Variants in LTBP2 observed in about 807,000 individuals in gnomAD.
LTBP2 encodes latent-transforming growth factor beta-binding protein 2.
LTBP2 carries 103 observed loss-of-function variants against 210.6 expected under a neutral mutation model. That is an observed-to-expected ratio of 0.49 (90% CI 0.42 to 0.58). The LOEUF (loss-of-function observed/expected upper bound fraction) is 0.58. LTBP2 is among the 20% of genes least tolerant of loss of function. LTBP2 has a pLI of 0.00. For missense variants in LTBP2, 2,313 were observed against 2,494.5 expected (o/e 0.93, Z 1.55); for synonymous variants, 1,007 against 1,015.0 (o/e 0.99, Z 0.15).
chr14:74,511,069 A>G (rs777336479), intron 19 of LTBP2, among the ~76,000 whole-genome samples, 176 bp downstream of exon 19: 6 of 152,366 alleles, frequency 3.9e-5, no homozygotes, highest in Non-Finnish European at 8.8e-5. Flanking sequence ...GCTGATTCAG[A>G]GGGCAGAGCC....
chr14:74,580,581 C>T lies in LTBP2; in HGVS notation c.830+5273G>A, dbSNP rs560586059. Among the ~76,000 whole-genome samples, 6 of 152,300 alleles carry T rather than the reference C, an allele frequency of 3.9e-5. No homozygotes were observed. In the East Asian group the frequency reaches 1.2e-3, roughly 29 times the overall value. ...GTCTCAGAGGGAACCAATCCTGCCACCTTTATTTTTGGACTTCCAGCTCCT... is the reference window on the plus strand; with the variant it reads ...GTCTCAGAGGGAACCAATCCTGCCATCTTTATTTTTGGACTTCCAGCTCCT... On this transcript the variant is annotated intron_variant, in intron 3 of 35. Coordinates refer to ENST00000261978, the MANE Select transcript of LTBP2 (RefSeq NM_000428.3).
chr14:74,525,261 C>A (rs747843579), intron 14 of LTBP2, 36 bp from the exon 15 acceptor site: 7 of 1,220,106 alleles, frequency 5.7e-6, no homozygotes, highest in Non-Finnish European at 7.5e-6. Flanking sequence ...GGGGTTGTGG[C>A]CCCTTGGCTG....
At chr14:74,540,830 A>ATATAATATATATATATTTTTATATAAT in intron 8 of LTBP2, among the ~76,000 whole-genome samples, 1 of 68,634 alleles carries the variant, frequency 1.5e-5, no homozygotes, top group African/African-American at 5.1e-5. Flanking sequence ...ATTTTTATAT[A>ATATAATATATATATATTTTTATATAAT]ATATATATTT....
At chr14:74,509,063 CG>C (rs2087033017) in intron 22 of LTBP2, 111 bp from the exon 23 acceptor site, 5 of 1,573,906 alleles carry the variant, frequency 3.2e-6, no homozygotes. Flanking sequence ...GCTGGACCCA[CG>C]GGGGATCATC....
At chr14:74,535,076 A>G (rs2087401922) in intron 9 of LTBP2, among the ~76,000 whole-genome samples, 1 of 151,944 alleles carries the variant, frequency 6.6e-6, no homozygotes, top group Non-Finnish European at 1.5e-5. Flanking sequence ...CCCTCAAACC[A>G]CTGGCTCCTG....
In LTBP2 at chr14:74,552,981, T is replaced by C. The variant is rs1407030489; in HGVS notation, c.1103A>G (p.His368Arg). Residue 368 changes from histidine to arginine, a missense_variant, in exon 5 of 36, where the codon CAC (histidine) becomes CGC (arginine). This residue lies in a region of LTBP2 where 1,867 missense variants were observed against 1,976.9 expected (regional missense o/e 0.94). Transcript: ENST00000261978. ...TICKQTCARGHCANSCERGDT... is the reference protein window; with the variant it reads ...TICKQTCARGRCANSCERGDT... ...GCCCCTCTCACAGCTGTTGGCACAG[T>C]GTCCACGGGCACAGGTCTGCTTGCA... 6.2e-7 allele frequency: 1 copy of C among 1,614,134 alleles called. No homozygotes were observed. The highest frequency in any genetic ancestry group is 8.5e-7 in the Non-Finnish European group (1 of 1,180,002).
At chr14:74,529,596 C>T (rs775493556) in intron 10 of LTBP2, among the ~76,000 whole-genome samples, 2 of 152,110 alleles carry the variant, frequency 1.3e-5, no homozygotes, top group Non-Finnish European at 2.9e-5. Context: ...CAGGCACCTC[C>T]CATAGTGCCT....
intron 8 of LTBP2, among the ~76,000 whole-genome samples, chr14:74,545,249 C>T (rs1482444549): frequency 1.3e-5 from 2 of 152,172 alleles, no homozygotes; most frequent in Admixed American, 6.5e-5. Flanking sequence ...CTTGGACAAG[C>T]TCCTCAGCCT....
At chr14:74,610,844 C>CCT (rs1462447730) in intron 1 of LTBP2, among the ~76,000 whole-genome samples, 1 of 152,252 alleles carries the variant, frequency 6.6e-6, no homozygotes, top group East Asian at 1.9e-4. Flanking sequence ...TGTGTCGCAG[C>CCT]CTCATCAGGA....
At position 74,522,857 on chromosome 14, in the gene LTBP2, G is replaced by A. The variant is rs141836936; in HGVS notation, c.2592C>T (p.Leu864=). 20 of 1,612,968 alleles carry A rather than the reference G, an allele frequency of 1.2e-5. No homozygotes were observed. The East Asian group carries it at 4.2e-4, about 34-fold the overall frequency. Residue 864 remains leucine, a synonymous_variant, in exon 16 of 36, where the codon CTC becomes CTT. Coordinates refer to ENST00000261978, the MANE Select transcript of LTBP2 (RefSeq NM_000428.3). ...NVCGPGTCVN[L]PDGYRCVCSP... The stretch of plus-strand genomic sequence containing the variant: ...TGCAGACACATCTGTATCCATCGGG[G>A]AGGTTCACGCAGGTTCCAGGGCCAC...
intron 2 of LTBP2, among the ~76,000 whole-genome samples, chr14:74,589,743 C>A (rs2088255152): frequency 6.6e-6 from 1 of 152,188 alleles, no homozygotes; most frequent in Non-Finnish European, 1.5e-5. Flanking sequence ...TGCTAGTGAA[C>A]ATGGAGGAAG....
At chr14:74,600,424 T>A (rs1205209850) in intron 2 of LTBP2, among the ~76,000 whole-genome samples, 1 of 152,092 alleles carries the variant, frequency 6.6e-6, no homozygotes, top group Non-Finnish European at 1.5e-5. Context: ...CTCAGCATCC[T>A]GGCGCAGCAC....
chr14:74,542,243 G>A (rs913093697), intron 8 of LTBP2, among the ~76,000 whole-genome samples: 4 of 152,208 alleles, frequency 2.6e-5, no homozygotes, highest in African/African-American at 4.8e-5. Flanking sequence ...ACCCTCTGCC[G>A]TGCCTCGGTT....
At chr14:74,601,701 A>C (rs1294015357) in intron 2 of LTBP2, among the ~76,000 whole-genome samples, 1 of 152,210 alleles carries the variant, frequency 6.6e-6, no homozygotes, top group Non-Finnish European at 1.5e-5. Context: ...ACTCGCGGGA[A>C]TGGGAGCAAT....
Position 74,499,797 on chromosome 14 carries a change from C to T in LTBP2, c.*1087G>A. 1 of 229,472 alleles carries T rather than the reference C, an allele frequency of 4.4e-6. No individual in the cohort carries two copies. The highest frequency in any genetic ancestry group is 8.6e-6 in the Non-Finnish European group (1 of 115,752). The allele number at this position is 229,472 out of a possible 1,614,324, so 14.2% of individuals were successfully genotyped here. On this transcript the variant is annotated 3_prime_UTR_variant, in exon 36 of 36. Transcript: ENST00000261978. ...TTTATTCCACCATGGTTCTGAACTC[C>T]CAGCTAGTTTGGGTTGGAGTGAGTC...
intron 1 of LTBP2, among the ~76,000 whole-genome samples, chr14:74,606,862 A>C (rs2088534462): frequency 6.6e-6 from 1 of 151,920 alleles, no homozygotes; most frequent in African/African-American, 2.4e-5. Context: ...ACAAACAAAA[A>C]AAAAAAACCC....
chr14:74,502,859 T>G lies in LTBP2; in HGVS notation c.4964A>C (p.Tyr1655Ser), dbSNP rs140493259. 1 of 1,613,916 alleles carries G rather than the reference T, an allele frequency of 6.2e-7. No individual in the cohort carries two copies. Among genetic ancestry groups the G allele is most frequent in the Admixed American group, 1.7e-5 (1 of 60,026 alleles). The change falls in exon 34 of 36, where the codon TAT becomes TCT. Residue 1655 changes from tyrosine to serine, a missense_variant. By Grantham distance (144) the Tyr-to-Ser change is moderately radical (BLOSUM62 -2). Around this residue, in one of 3 missense-constraint regions of LTBP2, gnomAD observed 443 missense variants for 501.4 expected, o/e 0.88. Coordinates refer to ENST00000261978, the MANE Select transcript of LTBP2 (RefSeq NM_000428.3). The part of the protein sequence containing the change: ...REAGVHFRPG[Y>S]EYGPGPDDLH... ...GTCATCGGGCCCGGGGCCATACTCA[T>G]AGCCTGGCCGGAAGTGGACCCCGGC...
In LTBP2 at chr14:74,502,869, G is replaced by A. The variant is rs142182623; in HGVS notation, c.4954C>T (p.Arg1652Trp). Reference protein sequence around the residue: ...EAEREAGVHFRPGYEYGPGPD... With the variant: ...EAEREAGVHFWPGYEYGPGPD... ...CCGGGGCCATACTCATAGCCTGGCC[G>A]GAAGTGGACCCCGGCCTCCCGCTCT... The change falls in exon 34 of 36, where the codon CGG (arginine) becomes TGG (tryptophan). Residue 1652 changes from arginine (R) to tryptophan (W), a missense_variant. Arg to Trp is a moderately radical substitution (Grantham distance 101). Coordinates refer to ENST00000261978, the MANE Select transcript of LTBP2 (RefSeq NM_000428.3). 3.1e-5 allele frequency: 50 copies of A among 1,613,828 alleles called. No individual in the cohort carries two copies. In the African/African-American group the frequency reaches 4.4e-4, roughly 14 times the overall value.
intron 3 of LTBP2, among the ~76,000 whole-genome samples, chr14:74,585,109 C>G (rs1168062349): frequency 6.6e-6 from 1 of 152,226 alleles, no homozygotes; most frequent in Non-Finnish European, 1.5e-5. Flanking sequence ...GATTTCCTGT[C>G]CTGAGCTAGA....
Sources: gnomAD v4.1 joint callset for allele counts (sites outside exome capture counted in the v4.1 genomes callset) on GRCh38, gnomAD v4.1.1 for gene constraint, gnomAD v4.1.1 regional missense constraint, MANE v1.5 for transcripts, NCBI Gene and HGNC (gene_info 2026-07-23, HGNC 2026-07-21) for gene names.